Variants in ARHGAP31 observed in about 807,000 individuals in gnomAD.
ARHGAP31 encodes the protein rho GTPase-activating protein 31.
ARHGAP31 carries 34 observed loss-of-function variants against 113.9 expected under a neutral mutation model. The ratio of observed to expected loss-of-function variants is 0.30; its 90% CI spans 0.23 to 0.40. The LOEUF is 0.40. Among genes scored for constraint, ARHGAP31 ranks in the 10% least tolerant of loss-of-function variants. ARHGAP31 has a pLI of 1.00. For missense variants in ARHGAP31, 1,548 were observed against 1,767.1 expected, an observed-to-expected ratio of 0.88 and a Z score of 2.22; for synonymous variants, 650 against 684.8, an observed-to-expected ratio of 0.95 and a Z score of 0.79.
intron 10 of ARHGAP31, among the ~76,000 whole-genome samples, chr3:119,408,403 G>C (rs2080684625): frequency 6.6e-6 from 1 of 152,174 alleles, no homozygotes; most frequent in African/African-American, 2.4e-5. Flanking sequence ...TGAGTTGCTG[G>C]GCTGGCCTTG....
chr3:119,407,369 A>AAGAG, intron 10 of ARHGAP31, among the ~76,000 whole-genome samples: 1 of 148,572 alleles, frequency 6.7e-6, no homozygotes, highest in South Asian at 2.1e-4. Context: ...GAAAGAAAGA[A>AAGAG]AAAAAAAATA....
At chr3:119,362,260 G>A (rs1159657364) in intron 1 of ARHGAP31, among the ~76,000 whole-genome samples, 1 of 152,216 alleles carries the variant, frequency 6.6e-6, no homozygotes, top group East Asian at 1.9e-4. Flanking sequence ...GCACAGCACA[G>A]CAGCCATGCA....
Position 119,393,561 on chromosome 3 carries a change from A to G in ARHGAP31, c.976A>G (p.Ser326Gly). ...DSKSKLSRNG[S>G]VFVRGQRLSV... ...CAAATCAAAACTGAGTAGAAATGGG[A>G]GTGTATTTGTGAGAGGACAGAGGCT... The change falls in exon 8 of 12, where the codon AGT becomes GGT. Residue 326 changes from serine to glycine, a missense_variant. By Grantham distance (56) the Ser-to-Gly change is moderately conservative. Coordinates refer to ENST00000264245, the MANE Select transcript of ARHGAP31 (RefSeq NM_020754.4). The G allele has an allele frequency of 6.2e-7, 1 of 1,614,068 alleles. No individual in the cohort carries two copies. The highest frequency in any genetic ancestry group is 8.5e-7 in the Non-Finnish European group (1 of 1,179,972).
At chr3:119,388,197 C>G (rs550012477) in intron 6 of ARHGAP31, among the ~76,000 whole-genome samples, 1 of 151,504 alleles carries the variant, frequency 6.6e-6, no homozygotes, top group African/African-American at 2.4e-5. Context: ...TTTCTGTTTT[C>G]CATTTATTTT....
At chr3:119,338,878 T>C (rs1175840637) in intron 1 of ARHGAP31, among the ~76,000 whole-genome samples, 2 of 152,330 alleles carry the variant, frequency 1.3e-5, no homozygotes, top group East Asian at 1.9e-4. Flanking sequence ...TTGTACAAGA[T>C]GACCAAGTTA....
chr3:119,337,681 T>C (rs1346056377), intron 1 of ARHGAP31, among the ~76,000 whole-genome samples: 1 of 152,222 alleles, frequency 6.6e-6, no homozygotes, highest in African/African-American at 2.4e-5. Context: ...GAGTGATGAT[T>C]GGTGCGTTTA....
In ARHGAP31 at chr3:119,414,124, C is replaced by T. The variant is rs2080744559; in HGVS notation, c.2195C>T (p.Thr732Ile). 2.5e-6 allele frequency: 4 copies of T among 1,614,090 alleles called. No individual in the cohort carries two copies. Among genetic ancestry groups the T allele is most frequent in the Non-Finnish European group, 3.4e-6 (4 of 1,180,048 alleles). Reference sequence around the variant, plus strand: ...AATCAGAGCACACAGGGGGCTTCCACAGCAGCCAGCAGAGAGAAGCCGGAA... The same window carrying T: ...AATCAGAGCACACAGGGGGCTTCCATAGCAGCCAGCAGAGAGAAGCCGGAA... ...PANQSTQGAS[T>I]AASREKPEPE... is the part of the protein sequence containing the mutation. The change falls in exon 12 of 12, where the codon ACA (threonine) becomes ATA (isoleucine). Residue 732 changes from threonine (T) to isoleucine (I), a missense_variant. Physicochemically the swap from Thr to Ile is moderately conservative, Grantham distance 89. Coordinates refer to ENST00000264245, the MANE Select transcript of ARHGAP31 (RefSeq NM_020754.4).
chr3:119,294,726 C>T lies in ARHGAP31; in HGVS notation c.-179C>T. ...AGCGGCGCGGGGTGGATCTCAGGCT[C>T]TGCCGGCCCGCGGCCCGCGGGGTCC... On this transcript the variant is annotated 5_prime_UTR_variant, in exon 1 of 12. Transcript: ENST00000264245. The T allele has an allele frequency of 1.5e-6, 1 of 656,868 alleles. No individual in the cohort carries two copies. Among genetic ancestry groups the T allele is most frequent in the Non-Finnish European group, 2.7e-6 (1 of 369,366 alleles). The allele number at this position is 656,868 out of a possible 1,614,324, so 40.7% of individuals were successfully genotyped here. A position where few individuals can be genotyped will look rare whatever the true frequency, so the allele number is the denominator to read the frequency against.
chr3:119,300,595 A>G (rs1161466418), intron 1 of ARHGAP31, among the ~76,000 whole-genome samples: 1 of 152,130 alleles, frequency 6.6e-6, no homozygotes, highest in Non-Finnish European at 1.5e-5. Context: ...TTGGGAGGCC[A>G]AAGTGGGTAG....
intron 3 of ARHGAP31, among the ~76,000 whole-genome samples, chr3:119,374,946 C>T (rs972848671): frequency 2.0e-5 from 3 of 151,956 alleles, no homozygotes; most frequent in African/African-American, 4.8e-5. Flanking sequence ...GTATCTGTAA[C>T]TAAACAGGAA....
rs1277865630 is a variant in ARHGAP31, at chr3:119,309,097, C to T, written c.100+14093C>T. On this transcript the variant is annotated intron_variant, in intron 1 of 11. Coordinates refer to ENST00000264245, the MANE Select transcript of ARHGAP31 (RefSeq NM_020754.4). The stretch of plus-strand genomic sequence containing the variant: ...ACTCAAGTATTCCACTCACCTTTGC[C>T]TCCCAAAATGCTGGGTTTACAGGTG... 8.5e-5 allele frequency among the ~76,000 whole-genome samples: 13 copies of T among 152,328 alleles called. 1 individual carries two copies. In the South Asian group the frequency reaches 2.5e-3, roughly 29 times the overall value.
rs377342291 is a variant in ARHGAP31, at chr3:119,349,745, AAAG to A, written c.101-15566_101-15564del. Reference sequence around the variant, plus strand: ...CGCTCCCAAATTTAACAAACTATTTAAAGAAGATCTCCAAGTGTAGTCCTGAGA... The same window carrying A: ...CGCTCCCAAATTTAACAAACTATTTAAAGATCTCCAAGTGTAGTCCTGAGA... On this transcript the variant is annotated intron_variant, in intron 1 of 11. Coordinates refer to ENST00000264245, the MANE Select transcript of ARHGAP31 (RefSeq NM_020754.4). Among the ~76,000 whole-genome samples, 327 of 152,334 alleles carry A rather than the reference AAAG, an allele frequency of 2.1e-3. 4 individuals carry two copies. In the South Asian group the frequency reaches 0.025, roughly 12 times the overall value.
chr3:119,352,845 G>T (rs1004465327), intron 1 of ARHGAP31, among the ~76,000 whole-genome samples: 1 of 152,194 alleles, frequency 6.6e-6, no homozygotes, highest in Non-Finnish European at 1.5e-5. Flanking sequence ...CAGACAGTCA[G>T]TAAAAATGCC....
intron 11 of ARHGAP31, 92 bp from the exon 12 acceptor site, chr3:119,413,764 G>T: frequency 6.3e-7 from 1 of 1,575,300 alleles, no homozygotes; most frequent in Non-Finnish European, 8.7e-7. Flanking sequence ...GCACAGGCTG[G>T]TGCTGTCAGT....
At chr3:119,384,198 T>C (rs2080428011) in intron 6 of ARHGAP31, among the ~76,000 whole-genome samples, 1 of 152,196 alleles carries the variant, frequency 6.6e-6, no homozygotes, top group South Asian at 2.1e-4. Flanking sequence ...AAATTTTGAT[T>C]CCTGGTATAA....
At chr3:119,303,897 C>T (rs1381865488) in intron 1 of ARHGAP31, among the ~76,000 whole-genome samples, 1 of 151,910 alleles carries the variant, frequency 6.6e-6, no homozygotes, top group African/African-American at 2.4e-5. Context: ...TGGGTTCAAG[C>T]GATTCTCCTG....
chr3:119,413,316 CA>C (rs369363243), intron 11 of ARHGAP31, among the ~76,000 whole-genome samples: 1,656 of 91,424 alleles, frequency 0.018, 15 homozygotes, highest in African/African-American at 0.055. Flanking sequence ...GACTCTGTCT[CA>C]AAAAAAAAAA....
intron 1 of ARHGAP31, among the ~76,000 whole-genome samples, chr3:119,318,150 T>A (rs2079750763): frequency 6.6e-6 from 1 of 151,894 alleles, no homozygotes; most frequent in African/African-American, 2.4e-5. Context: ...CATGCCTGTG[T>A]CCCCAGCTAC....
chr3:119,336,702 A>G (rs553464709), intron 1 of ARHGAP31, among the ~76,000 whole-genome samples: 8 of 152,342 alleles, frequency 5.3e-5, no homozygotes, highest in Admixed American at 2.0e-4. Context: ...ATACAAGTCA[A>G]TAGTTTTAGT....
Sources: allele counts gnomAD v4.1 joint callset (sites outside exome capture counted in the v4.1 genomes callset), GRCh38; gene constraint gnomAD v4.1.1; transcripts MANE v1.5; gene names NCBI Gene and HGNC (gene_info 2026-07-23, HGNC 2026-07-21).